Variants in PHLPP1 observed in about 807,000 individuals in gnomAD.
PHLPP1 encodes PH domain and leucine rich repeat protein phosphatase 1, also known as PH domain leucine-rich repeat-containing protein phosphatase 1.
Under a neutral mutation model 117.2 loss-of-function variants are expected in PHLPP1, and 42 were observed. That is an observed-to-expected ratio of 0.36 (90% CI 0.28 to 0.46). The LOEUF is 0.46. PHLPP1 is among the 20% of genes least tolerant of loss of function. The pLI is 1.00. For missense variants in PHLPP1, 2,084 were observed against 2,241.9 expected (o/e 0.93, Z 1.42); for synonymous variants, 1,042 against 970.7 (o/e 1.07, Z -1.37).
chr18:62,773,764 A>G (rs1912868720), intron 1 of PHLPP1, among the ~76,000 whole-genome samples: 1 of 152,246 alleles, frequency 6.6e-6, no homozygotes, highest in Non-Finnish European at 1.5e-5. Context: ...GGCTGCCATT[A>G]TAAAATATCA....
At chr18:62,826,634 T>TA (rs1033179368) in intron 1 of PHLPP1, among the ~76,000 whole-genome samples, 28 of 152,134 alleles carry the variant, frequency 1.8e-4, no homozygotes, top group Admixed American at 4.6e-4. Context: ...GCCCCCTCTT[T>TA]AAAAAAACAA....
At chr18:62,852,279 A>AGATTCTG (rs1915374677) in intron 3 of PHLPP1, among the ~76,000 whole-genome samples, 2 of 152,228 alleles carry the variant, frequency 1.3e-5, no homozygotes, top group Non-Finnish European at 2.9e-5. Context: ...CATAAGTATA[A>AGATTCTG]AACTGGTAGC....
intron 14 of PHLPP1, among the ~76,000 whole-genome samples, chr18:62,971,101 C>T (rs1911037579): frequency 6.6e-6 from 1 of 152,196 alleles, no homozygotes; most frequent in Non-Finnish European, 1.5e-5. Flanking sequence ...TGCTGTTGGG[C>T]ACGTCCTGGT....
At chr18:62,770,505 A>T (rs1358821971) in intron 1 of PHLPP1, among the ~76,000 whole-genome samples, 1 of 152,206 alleles carries the variant, frequency 6.6e-6, no homozygotes, top group Non-Finnish European at 1.5e-5. Context: ...TCAAATTCTT[A>T]TTGTAGAATA....
At chr18:62,759,141 G>GTGGTGGGATCC (rs1912128637) in intron 1 of PHLPP1, among the ~76,000 whole-genome samples, 1 of 152,190 alleles carries the variant, frequency 6.6e-6, no homozygotes, top group Non-Finnish European at 1.5e-5. Flanking sequence ...TTAGTACTAT[G>GTGGTGGGATCC]TGGTGGGATC....
intron 2 of PHLPP1, among the ~76,000 whole-genome samples, chr18:62,834,467 C>G (rs749461823): frequency 8.5e-5 from 13 of 152,122 alleles, no homozygotes; most frequent in Non-Finnish European, 1.6e-4. Context: ...CAATGAAGAA[C>G]TATTCAATCC....
At chr18:62,737,327 A>G (rs568320317) in intron 1 of PHLPP1, among the ~76,000 whole-genome samples, 155 of 152,304 alleles carry the variant, frequency 1.0e-3, no homozygotes, top group African/African-American at 3.2e-3. Context: ...TGAGACTAAA[A>G]GAGAGGTTGA....
At chr18:62,832,747 TTG>T (rs201327908) in intron 2 of PHLPP1, among the ~76,000 whole-genome samples, 187 of 140,892 alleles carry the variant, frequency 1.3e-3, no homozygotes, top group African/African-American at 5.2e-3. Context: ...TTGTCTGTTG[TTG>T]TTTTTTTTTA....
intron 10 of PHLPP1, among the ~76,000 whole-genome samples, chr18:62,930,081 C>G (rs1909761398): frequency 6.6e-6 from 1 of 152,034 alleles, no homozygotes; most frequent in Non-Finnish European, 1.5e-5. Flanking sequence ...AACTGGCAAG[C>G]CAGATAAGAA....
chr18:62,872,185 T>C (rs1915921625), intron 4 of PHLPP1, among the ~76,000 whole-genome samples: 1 of 152,224 alleles, frequency 6.6e-6, no homozygotes, highest in South Asian at 2.1e-4. Flanking sequence ...TGACAAAATC[T>C]AAGTGCTTAT....
intron 1 of PHLPP1, among the ~76,000 whole-genome samples, chr18:62,796,110 G>T (rs945916204): frequency 6.6e-6 from 1 of 152,194 alleles, no homozygotes; most frequent in Non-Finnish European, 1.5e-5. Flanking sequence ...TATAGCTTGT[G>T]ATTAATTCCT....
intron 1 of PHLPP1, among the ~76,000 whole-genome samples, chr18:62,727,099 G>A (rs1911095471): frequency 6.6e-6 from 1 of 151,112 alleles, no homozygotes; most frequent in Non-Finnish European, 1.5e-5. Flanking sequence ...ATGGTGGCAG[G>A]CACCTGTAAT....
In PHLPP1 at chr18:62,924,676, G is replaced by GAAA. The variant is rs35464959; in HGVS notation, c.2960+4583_2960+4585dup. Among the ~76,000 whole-genome samples, 6 of 93,624 alleles carry GAAA rather than the reference G, an allele frequency of 6.4e-5. No individual in the cohort carries two copies. The East Asian group carries it at 1.7e-3, about 26-fold the overall frequency. The allele number at this position is 93,624 out of a possible 152,430, so 61.4% of individuals were successfully genotyped here. A position where few individuals can be genotyped will look rare whatever the true frequency, so the allele number is the denominator to read the frequency against. On this transcript the variant is annotated intron_variant, in intron 10 of 16. Transcript: ENST00000262719. ...TGGCAAGACCCTGTCACTACAAATT[G>GAAA]AAAAAAAAAAAAAAAAAAAAAAAGT...
chr18:62,874,833 A>G (rs1422124701), intron 4 of PHLPP1, among the ~76,000 whole-genome samples: 1 of 152,198 alleles, frequency 6.6e-6, no homozygotes, highest in Non-Finnish European at 1.5e-5. Context: ...CAAACTTCAC[A>G]CAGACAGCGA....
intron 1 of PHLPP1, among the ~76,000 whole-genome samples, chr18:62,793,948 A>G (rs145920381): frequency 7.9e-5 from 12 of 152,332 alleles, no homozygotes; most frequent in African/African-American, 2.6e-4. Context: ...TGGTTTCCCA[A>G]TATTGATGAA....
At chr18:62,967,341 G>C (rs998295408) in intron 14 of PHLPP1, among the ~76,000 whole-genome samples, 5 of 152,180 alleles carry the variant, frequency 3.3e-5, no homozygotes, top group African/African-American at 1.2e-4. Flanking sequence ...CAAAGTGCCT[G>C]TATCATTTCG....
chr18:62,777,246 G>T (rs183109762), intron 1 of PHLPP1, among the ~76,000 whole-genome samples: 6 of 152,254 alleles, frequency 3.9e-5, no homozygotes, highest in Non-Finnish European at 7.4e-5. Context: ...ATTCTAATGA[G>T]CTTGTAGTGG....
intron 1 of PHLPP1, among the ~76,000 whole-genome samples, chr18:62,797,342 AG>A: frequency 6.6e-6 from 1 of 152,248 alleles, no homozygotes; most frequent in East Asian, 1.9e-4. Flanking sequence ...GCACTGTTGT[AG>A]GTGCCCAAGA....
chr18:62,804,342 A>G (rs1448769755), intron 1 of PHLPP1, among the ~76,000 whole-genome samples: 2 of 151,878 alleles, frequency 1.3e-5, no homozygotes, highest in African/African-American at 4.8e-5. Context: ...ACAGAGTCAA[A>G]CCATATCGGG....
Sources: allele counts gnomAD v4.1 joint callset (sites outside exome capture counted in the v4.1 genomes callset), GRCh38; gene constraint gnomAD v4.1.1; transcripts MANE v1.5; gene names NCBI Gene and HGNC (gene_info 2026-07-23, HGNC 2026-07-21).